The following TMC6 variants were observed in gnomAD, a reference collection of about 807,000 sequenced individuals.
TMC6 encodes transmembrane channel like 6, also known as transmembrane channel-like protein 6.
A neutral mutation model predicts 95.4 loss-of-function variants in TMC6; 71 were observed. The observed-to-expected ratio is 0.74, with a 90% CI of 0.61 to 0.91. The LOEUF (loss-of-function observed/expected upper bound fraction) is 0.91, where lower values mean the gene tolerates loss of function less well. Among genes scored for constraint, TMC6 ranks in the 40% least tolerant of loss-of-function variants. TMC6 has a pLI of 0.00. For synonymous variants in TMC6, 514 were observed against 483.1 expected, an observed-to-expected ratio of 1.06 and a Z score of -0.84; for missense variants, 1,074 against 1,079.1, an observed-to-expected ratio of 1.00 and a Z score of 0.07.
rs1032179410 is a variant in TMC6, at chr17:78,110,695, C to G, written c.*2453G>C. On this transcript the variant is annotated 3_prime_UTR_variant, in exon 20 of 20. Coordinates refer to ENST00000590602, the MANE Select transcript of TMC6 (RefSeq NM_001127198.5). Reference sequence around the variant, plus strand: ...TCCACTCGAACAACAGTTTGTAGATCTTAGGCTGCTCTCATCGAGCAAACA... The same window carrying G: ...TCCACTCGAACAACAGTTTGTAGATGTTAGGCTGCTCTCATCGAGCAAACA... 1 of 152,262 alleles carries G rather than the reference C, an allele frequency of 6.6e-6. No homozygotes were observed. Among genetic ancestry groups the G allele is most frequent in the Non-Finnish European group, 1.5e-5 (1 of 68,062 alleles). The allele number at this position is 152,262 out of a possible 1,614,324, so 9.4% of individuals were successfully genotyped here.
rs769471844 is a variant in TMC6, at chr17:78,124,181, T to A, written c.892-2A>T. 7 of 1,611,062 alleles carry A rather than the reference T, an allele frequency of 4.3e-6. No homozygotes were observed. In the East Asian group the frequency reaches 1.6e-4, roughly 36 times the overall value. On this transcript the variant is annotated splice_acceptor_variant, in intron 8 of 19. Transcript: ENST00000590602. LOFTEE classifies it high-confidence loss of function. ...CATGACGGTGTGGGTGAAGCAACCC[T>A]GCCACAGGGAGATCCAGCCGAGTCA...
Position 78,124,153 on chromosome 17 carries a change from G to C in TMC6, c.918C>G (p.Tyr306Ter). 6.2e-7 allele frequency: 1 copy of C among 1,612,154 alleles called. No homozygotes were observed. The highest frequency in any genetic ancestry group is 8.5e-7 in the Non-Finnish European group (1 of 1,179,810). Residue 306 changes from tyrosine (Y) to a stop codon, truncating the protein, a stop_gained, in exon 9 of 20, where the codon TAC becomes TAG. Coordinates refer to ENST00000590602, the MANE Select transcript of TMC6 (RefSeq NM_001127198.5). LOFTEE classifies it high-confidence loss of function. ...GCGTGGCGTTACTGTAGTGGCCGTA[G>C]TACATGACGGTGTGGGTGAAGCAAC... ...GAGCFTHTVM[Y>*]YGHYSNATLN...
chr17:78,122,568 G>A lies in TMC6; in HGVS notation c.1227+37C>T. The A allele has an allele frequency of 6.2e-7, 1 of 1,603,886 alleles. No individual in the cohort carries two copies. Among genetic ancestry groups the A allele is most frequent in the Admixed American group, 1.7e-5 (1 of 60,008 alleles). ...GGACCCAGGGCCAGGCCTGCAGGGA[G>A]CTGGGCAGGCCAGCTTGGTGCTCCG... is the stretch of plus-strand genomic sequence containing the variant. On this transcript the variant is annotated intron_variant, in intron 10 of 19. Coordinates refer to ENST00000590602, the MANE Select transcript of TMC6 (RefSeq NM_001127198.5). This position sits in a 1 kb window ranked among gnomAD's most constrained non-coding sequence, Gnocchi z 4.9.
At chr17:78,115,377 C>T (rs893217005) in intron 18 of TMC6, among the ~76,000 whole-genome samples, 1 of 152,172 alleles carries the variant, frequency 6.6e-6, no homozygotes, top group Non-Finnish European at 1.5e-5. Flanking sequence ...TCACCAGCCC[C>T]AGAGTGAAAA....
upstream of TMC6, chr17:78,132,266 C>T: frequency 1.3e-6 from 2 of 1,507,936 alleles, no homozygotes; most frequent in Admixed American, 1.8e-5. Flanking sequence ...CTGGCGGGCA[C>T]CCCACGCCGT....
Position 78,119,344 on chromosome 17 carries a change from G to A in TMC6, c.1764C>T (p.Asp588=), listed in dbSNP as rs1398592547. 1.2e-6 allele frequency: 2 copies of A among 1,614,080 alleles called. No homozygotes were observed. The highest frequency in any genetic ancestry group is 1.7e-6 in the Non-Finnish European group (2 of 1,180,026). ...TCAGCTCCAGGACATTCCGGGCAAT[G>A]TCAAACTCCGGCTTCCGCCTCCTCT... ...KLKRRRKPEF[D]IARNVLELIY... Residue 588 remains aspartate, a synonymous_variant, in exon 14 of 20, where the codon GAC becomes GAT. Coordinates refer to ENST00000590602, the MANE Select transcript of TMC6 (RefSeq NM_001127198.5).
chr17:78,123,592 GATGGGTGGGTGAATGGATGA>G (rs1266840297), intron 9 of TMC6, among the ~76,000 whole-genome samples: 24 of 146,530 alleles, frequency 1.6e-4, no homozygotes, highest in African/African-American at 5.3e-4. Flanking sequence ...TGAATGGATG[GATGGGTGGGTGAATGGATGA>G]ATGGGTGGAT....
rs1285154805 is a variant in TMC6, at chr17:78,124,011, T to A, written c.1060A>T (p.Thr354Ser). Residue 354 changes from threonine (T) to serine (S), a missense_variant, in exon 9 of 20, where the codon ACC (threonine) becomes TCC (serine). By Grantham distance (58) the Thr-to-Ser change is moderately conservative. Coordinates refer to ENST00000590602, the MANE Select transcript of TMC6 (RefSeq NM_001127198.5). Reference protein sequence around the residue: ...LSTVGVSFFITCITLVYSMAH... With the variant: ...LSTVGVSFFISCITLVYSMAH... Reference sequence around the variant, plus strand: ...TACCTGTACACCAGGGTGATGCAGGTGATAAAGAAGCTCACGCCCACAGTG... The same window carrying A: ...TACCTGTACACCAGGGTGATGCAGGAGATAAAGAAGCTCACGCCCACAGTG... 6.2e-7 allele frequency: 1 copy of A among 1,613,692 alleles called. No individual in the cohort carries two copies. The highest frequency in any genetic ancestry group is 1.7e-5 in the Admixed American group (1 of 60,008).
chr17:78,131,119 G>A (rs147352708), upstream of TMC6: 121 of 230,044 alleles, frequency 5.3e-4, 1 homozygote, highest in African/African-American at 2.8e-3. Flanking sequence ...AGGCTCTTCC[G>A]GAAGGGCAAA....
At position 78,121,185 on chromosome 17, in the gene TMC6, G is replaced by A. The variant is rs1180244720; in HGVS notation, c.1384-21C>T. ...GGACTCTGCAGGGGTGCAGGGAGCG[G>A]TGTCATGGAAGCCCCCCATCCATGG... On this transcript the variant is annotated intron_variant, in intron 11 of 19. Transcript: ENST00000590602. This position sits in a 1 kb window ranked among gnomAD's most constrained non-coding sequence, Gnocchi z 5.6. 1.5e-5 allele frequency: 24 copies of A among 1,567,294 alleles called. No individual in the cohort carries two copies. Among genetic ancestry groups the A allele is most frequent in the Non-Finnish European group, 1.8e-5 (21 of 1,157,494 alleles).
In TMC6 at chr17:78,124,211, C is replaced by CT. The variant is rs374580541; in HGVS notation, c.892-33dup. 367 of 1,609,582 alleles carry CT rather than the reference C, an allele frequency of 2.3e-4. 1 individual carries two copies. The African/African-American group carries it at 4.6e-3, about 20-fold the overall frequency. ...CAGGGAGATCCAGCCGAGTCAGGGACTTTCCCCACGCCCCACCCGACCCTC... is the reference window on the plus strand; with the variant it reads ...CAGGGAGATCCAGCCGAGTCAGGGACTTTTCCCCACGCCCCACCCGACCCTC... On this transcript the variant is annotated intron_variant, in intron 8 of 19. Transcript: ENST00000590602.
chr17:78,110,558 C>G lies in TMC6; in HGVS notation c.*2590G>C, dbSNP rs1455178786. The G allele has an allele frequency of 1.3e-5, 2 of 152,222 alleles. No homozygotes were observed. The highest frequency in any genetic ancestry group is 4.8e-5 in the African/African-American group (2 of 41,456). 9.4% of individuals were successfully genotyped at this position (152,222 alleles called of 1,614,324 possible). A position where few individuals can be genotyped will look rare whatever the true frequency, so the allele number is the denominator to read the frequency against. On this transcript the variant is annotated 3_prime_UTR_variant, in exon 20 of 20. Transcript: ENST00000590602. ...CAATTACAGACAGGCGCCACCACCT[C>G]CAGCAAGTACCAGTGTTTTTAAAAC...
At position 78,122,828 on chromosome 17, in the gene TMC6, C is replaced by T; in HGVS notation, c.1083-79G>A. On this transcript the variant is annotated intron_variant, in intron 9 of 19. Transcript: ENST00000590602. This position sits in a 1 kb window ranked among gnomAD's most constrained non-coding sequence, Gnocchi z 4.9. ...AAGGGGAGAAGGCAGACCGGATGCTCTGGGCAGCCAGACCCCACCACCCAC... is the reference window on the plus strand; with the variant it reads ...AAGGGGAGAAGGCAGACCGGATGCTTTGGGCAGCCAGACCCCACCACCCAC... The T allele has an allele frequency of 1.3e-6, 2 of 1,550,700 alleles. No homozygotes were observed. Among genetic ancestry groups the T allele is most frequent in the Non-Finnish European group, 1.7e-6 (2 of 1,154,754 alleles).
At position 78,126,382 on chromosome 17, in the gene TMC6, G is replaced by C. The variant is rs2074717729; in HGVS notation, c.182-16C>G. ...TGGCTACTTCCTACAAAGCAAGAAA[G>C]ACTCACCAGGGGTCCTGGAGATGCC... On this transcript the variant is annotated splice_polypyrimidine_tract_variant and intron_variant, in intron 3 of 19. Coordinates refer to ENST00000590602, the MANE Select transcript of TMC6 (RefSeq NM_001127198.5). 4 of 1,597,556 alleles carry C rather than the reference G, an allele frequency of 2.5e-6. No individual in the cohort carries two copies. In the East Asian group the frequency reaches 9.0e-5, roughly 36 times the overall value.
At chr17:78,130,325 G>C (rs548413312), upstream of TMC6, among the ~76,000 whole-genome samples, 6 of 152,328 alleles carry the variant, frequency 3.9e-5, no homozygotes, top group South Asian at 1.2e-3. Context: ...ACACCCTCCA[G>C]GGTGAGGCCG....
chr17:78,109,733 T>C lies in TMC6; in HGVS notation c.*3415A>G, dbSNP rs2073787702. 5.6e-6 allele frequency: 2 copies of C among 358,252 alleles called. No homozygotes were observed. The highest frequency in any genetic ancestry group is 4.1e-5 in the South Asian group (2 of 48,470). The allele number at this position is 358,252 out of a possible 1,614,324, so 22.2% of individuals were successfully genotyped here. A position where few individuals can be genotyped will look rare whatever the true frequency, so the allele number is the denominator to read the frequency against. On this transcript the variant is annotated 3_prime_UTR_variant, in exon 20 of 20. Transcript: ENST00000590602. ...TCGGATGGGCCCAGAGCAGGGGTTC[T>C]CAACCTTGGCCCATTAGAATTACCT...
At chr17:78,131,486 G>A (rs969881722), upstream of TMC6, 2 of 1,477,568 alleles carry the variant, frequency 1.4e-6, no homozygotes, top group Non-Finnish European at 9.1e-7. Context: ...CCAGCCCAGC[G>A]TGCACAGAGG....
chr17:78,115,666 GGGAGTGGGCACA>G (rs1363207662), intron 18 of TMC6, among the ~76,000 whole-genome samples: 3 of 136,108 alleles, frequency 2.2e-5, no homozygotes, highest in Non-Finnish European at 4.7e-5. Flanking sequence ...CAGGGGCGAA[GGGAGTGGGCACA>G]GGGGCGAAGG....
chr17:78,124,966 T>A lies in TMC6; in HGVS notation c.556A>T (p.Arg186Trp). 1.6e-5 allele frequency: 25 copies of A among 1,594,164 alleles called. No individual in the cohort carries two copies. Among genetic ancestry groups the A allele is most frequent in the Non-Finnish European group, 2.1e-5 (25 of 1,172,960 alleles). Reference sequence around the variant, plus strand: ...CCCGGCTGGCCCCTCCACTTCCCCCTCGGGGTCCTGCTCTTCTCTCTGGGG... The same window carrying A: ...CCCGGCTGGCCCCTCCACTTCCCCCACGGGGTCCTGCTCTTCTCTCTGGGG... The part of the protein sequence containing the change: ...RSLREKSRTP[R>W]GKWRGQPGSG... The change falls in exon 7 of 20, where the codon AGG becomes TGG. Residue 186 changes from arginine (R) to tryptophan (W), a missense_variant. By Grantham distance (101) the Arg-to-Trp change is moderately radical. Coordinates refer to ENST00000590602, the MANE Select transcript of TMC6 (RefSeq NM_001127198.5).
Sources: allele counts gnomAD v4.1 joint callset (sites outside exome capture counted in the v4.1 genomes callset), GRCh38; gene constraint gnomAD v4.1.1; non-coding constraint Gnocchi (gnomAD v3.1); transcripts MANE v1.5; gene names NCBI Gene and HGNC (gene_info 2026-07-23, HGNC 2026-07-21).